CALN1: variants seen among roughly 807,000 people sequenced by gnomAD.
The protein encoded by CALN1 is calcium-binding protein 8.
CALN1 carries 17 observed loss-of-function variants against 30.6 expected under a neutral mutation model. The ratio of observed to expected loss-of-function variants is 0.56; its 90% CI spans 0.38 to 0.83. CALN1 has a LOEUF of 0.83. Among genes scored for constraint, CALN1 ranks in the 40% least tolerant of loss-of-function variants. CALN1 has a pLI of 0.00. For synonymous variants in CALN1, 156 were observed against 131.4 expected (o/e 1.19, Z -1.28); for missense variants, 291 against 354.9 (o/e 0.82, Z 1.45).
At chr7:71,945,668 C>A (rs577508200) in intron 5 of CALN1, among the ~76,000 whole-genome samples, 2 of 152,288 alleles carry the variant, frequency 1.3e-5, no homozygotes, top group East Asian at 3.9e-4. Context: ...GAATCTAATG[C>A]CTGATGATCT....
intron 5 of CALN1, among the ~76,000 whole-genome samples, chr7:72,017,576 G>A (rs1800469269): frequency 6.6e-6 from 1 of 152,096 alleles, no homozygotes; most frequent in South Asian, 2.1e-4. Context: ...TGTGTGCTCG[G>A]GAGTATTGCC....
intron 5 of CALN1, among the ~76,000 whole-genome samples, chr7:71,825,103 C>G (rs549905729): frequency 2.6e-5 from 4 of 152,264 alleles, no homozygotes; most frequent in Admixed American, 2.0e-4. Flanking sequence ...ATCAAATAAG[C>G]AGACCCCCTT....
chr7:72,162,789 T>C (rs939119959), intron 3 of CALN1, among the ~76,000 whole-genome samples: 11 of 152,188 alleles, frequency 7.2e-5, no homozygotes, highest in African/African-American at 2.7e-4. Context: ...ATATGGCTTT[T>C]CTTCTGAAGA....
At chr7:72,004,949 C>G (rs1304743309) in intron 5 of CALN1, among the ~76,000 whole-genome samples, 1 of 152,158 alleles carries the variant, frequency 6.6e-6, no homozygotes. Context: ...TGAGAGATCA[C>G]TCCACACCTA....
chr7:72,147,864 C>T (rs905521301), intron 3 of CALN1, among the ~76,000 whole-genome samples: 1 of 149,010 alleles, frequency 6.7e-6, no homozygotes, highest in Non-Finnish European at 1.5e-5. Flanking sequence ...AACCAAACAT[C>T]GCATGTTCTC....
intron 2 of CALN1, among the ~76,000 whole-genome samples, chr7:72,347,739 C>CTGA (rs1220690879): frequency 3.3e-5 from 5 of 152,228 alleles, no homozygotes; most frequent in African/African-American, 7.2e-5. Flanking sequence ...CCACTAAATT[C>CTGA]TGAATGCAGT....
intron 2 of CALN1, among the ~76,000 whole-genome samples, chr7:72,335,365 A>G (rs1191205496): frequency 6.6e-6 from 1 of 152,220 alleles, no homozygotes; most frequent in African/African-American, 2.4e-5. Context: ...GCAGAACCTG[A>G]AAATGCTAGG....
chr7:72,223,998 G>C (rs753865092), intron 3 of CALN1, among the ~76,000 whole-genome samples: 9 of 152,148 alleles, frequency 5.9e-5, no homozygotes, highest in Non-Finnish European at 1.2e-4. Context: ...GGGACTACTA[G>C]AGGGAGGATG....
intron 2 of CALN1, among the ~76,000 whole-genome samples, chr7:72,357,636 G>GGC (rs1385652365): frequency 2.0e-5 from 3 of 151,352 alleles, no homozygotes; most frequent in Non-Finnish European, 2.9e-5. Flanking sequence ...ACAAAAGCGA[G>GGC]GCCCAGACAA....
At chr7:72,171,628 C>T (rs1198687632) in intron 3 of CALN1, among the ~76,000 whole-genome samples, 1 of 152,016 alleles carries the variant, frequency 6.6e-6, no homozygotes, top group African/African-American at 2.4e-5. Context: ...AAAAAAGAGG[C>T]CCACATCCAG....
At chr7:72,305,879 T>C (rs529414146) in intron 2 of CALN1, among the ~76,000 whole-genome samples, 79 of 152,272 alleles carry the variant, frequency 5.2e-4, no homozygotes, top group Middle Eastern at 3.4e-3. Context: ...TGTCCTCACA[T>C]GGTCGGGGAG....
chr7:72,138,793 G>A (rs544119802), intron 3 of CALN1, among the ~76,000 whole-genome samples: 2 of 152,136 alleles, frequency 1.3e-5, no homozygotes, highest in South Asian at 4.2e-4. Flanking sequence ...CACAATCCCC[G>A]CCCTTACCCT....
chr7:72,238,745 C>T (rs1001882615), intron 3 of CALN1, among the ~76,000 whole-genome samples: 1 of 152,198 alleles, frequency 6.6e-6, no homozygotes, highest in African/African-American at 2.4e-5. Flanking sequence ...ATGTTTGCTT[C>T]CCCTTCCACC....
chr7:71,878,153 G>A (rs1792355933), intron 5 of CALN1, among the ~76,000 whole-genome samples: 1 of 152,186 alleles, frequency 6.6e-6, no homozygotes, highest in Non-Finnish European at 1.5e-5. Flanking sequence ...GAAAAGCCAG[G>A]AATTAGCCTA....
chr7:72,030,840 C>A (rs563296847), intron 4 of CALN1, among the ~76,000 whole-genome samples: 7 of 151,832 alleles, frequency 4.6e-5, no homozygotes, highest in Non-Finnish European at 1.0e-4. Context: ...CCAAACTCCT[C>A]GGCTGAAGGG....
At chr7:72,257,876 A>G (rs1174788742) in intron 3 of CALN1, among the ~76,000 whole-genome samples, 1 of 152,192 alleles carries the variant, frequency 6.6e-6, no homozygotes, top group Non-Finnish European at 1.5e-5. Flanking sequence ...GGGAAAGCAA[A>G]TACTGTGTTT....
At chr7:72,115,589 A>G (rs199807519) in intron 3 of CALN1, among the ~76,000 whole-genome samples, 1 of 147,998 alleles carries the variant, frequency 6.8e-6, no homozygotes, top group East Asian at 2.0e-4. Flanking sequence ...CCTGGGTCCA[A>G]GCAATTCTCA....
intron 4 of CALN1, among the ~76,000 whole-genome samples, chr7:72,099,012 T>C (rs1806448506): frequency 1.3e-5 from 2 of 152,222 alleles, no homozygotes; most frequent in Non-Finnish European, 2.9e-5. Flanking sequence ...GAAAACCTCA[T>C]GTGTCAACTT....
Position 72,287,911 on chromosome 7 carries a change from C to A in CALN1, c.120-9101G>T, listed in dbSNP as rs181603692. On this transcript the variant is annotated intron_variant, in intron 2 of 6. Transcript: ENST00000395275. ...AAATACTACCTGGTTATTGAGTATG[C>A]GAATCTTTACCTTTATTGGATTTAG... 2.6e-5 allele frequency among the ~76,000 whole-genome samples: 4 copies of A among 151,946 alleles called. No individual in the cohort carries two copies. The East Asian group carries it at 7.7e-4, about 29-fold the overall frequency.
Sources: allele counts gnomAD v4.1 joint callset (sites outside exome capture counted in the v4.1 genomes callset), GRCh38; gene constraint gnomAD v4.1.1; transcripts MANE v1.5; gene names NCBI Gene and HGNC (gene_info 2026-07-23, HGNC 2026-07-21).